NAF1: variants seen among roughly 807,000 people sequenced by gnomAD.
NAF1 encodes the protein H/ACA ribonucleoprotein complex non-core subunit NAF1.
Under a neutral mutation model 40.6 loss-of-function variants are expected in NAF1, and 11 were observed. The observed-to-expected ratio is 0.27, with a 90% confidence interval of 0.17 to 0.45. The LOEUF (loss-of-function observed/expected upper bound fraction) is 0.45, where lower values mean the gene tolerates loss of function less well. Among genes scored for constraint, NAF1 ranks in the 20% least tolerant of loss-of-function variants. The probability of loss-of-function intolerance (pLI) is 1.00; values close to 1 mark genes in which losing one functional copy is unlikely to be tolerated. For missense variants in NAF1, 607 were observed against 611.1 expected (o/e 0.99, Z 0.07); for synonymous variants, 260 against 228.5 (o/e 1.14, Z -1.24).
chr4:163,153,059 C>T (rs1360496862), intron 2 of NAF1, among the ~76,000 whole-genome samples: 2 of 152,220 alleles, frequency 1.3e-5, no homozygotes, highest in Non-Finnish European at 2.9e-5. Context: ...CTCGATTTCT[C>T]GCCGAGCCTT....
intron 7 of NAF1, among the ~76,000 whole-genome samples, chr4:163,131,973 A>G (rs886658902): frequency 6.6e-6 from 1 of 152,254 alleles, no homozygotes; most frequent in Non-Finnish European, 1.5e-5. Context: ...GTTCAATGCC[A>G]TTAGCCATTA....
chr4:163,110,401 T>TA, intron 2 of NAF1: 1 of 629,294 alleles, frequency 1.6e-6, no homozygotes, highest in African/African-American at 1.8e-5. Flanking sequence ...TAGTTGTTGT[T>TA]AATCTCTTAC....
intron 2 of NAF1, among the ~76,000 whole-genome samples, chr4:163,153,317 A>G (rs1731814192): frequency 6.6e-6 from 1 of 152,188 alleles, no homozygotes; most frequent in African/African-American, 2.4e-5. Flanking sequence ...TGGGCTCCTG[A>G]GTCTGGTGGG....
In NAF1 at chr4:163,117,680, TACACAC is replaced by T. The variant is rs55869899; in HGVS notation, c.115-7396_115-7391del. On this transcript the variant is annotated intron_variant, in intron 2 of 2. Coordinates refer to the NAF1 transcript ENST00000509434. ...TTATTTTTAAACTCCCTGGAAGCAATACACACACACACACACACACACACACACACA... is the reference window on the plus strand; with the variant it reads ...TTATTTTTAAACTCCCTGGAAGCAATACACACACACACACACACACACACA... Among the ~76,000 whole-genome samples the T allele has an allele frequency of 8.0e-3, 1,085 of 134,918 alleles. 9 individuals carry two copies. The highest frequency in any genetic ancestry group is 0.024 in the African/African-American group (822 of 34,732). The allele number at this position is 134,918 out of a possible 152,430, so 88.5% of individuals were successfully genotyped here. A position where few individuals can be genotyped will look rare whatever the true frequency, so the allele number is the denominator to read the frequency against.
At chr4:163,137,067 C>CG in intron 6 of NAF1, 132 bp downstream of exon 6, 1 of 950,480 alleles carries the variant, frequency 1.1e-6, no homozygotes. Context: ...AGAATACATG[C>CG]GCTAGGACAG....
At chr4:163,130,002 A>G (rs1478331175) in intron 7 of NAF1, among the ~76,000 whole-genome samples, 1 of 152,186 alleles carries the variant, frequency 6.6e-6, no homozygotes, top group Non-Finnish European at 1.5e-5. Context: ...TCCAGCAGTA[A>G]CAAGGCACCC....
intron 4 of NAF1, chr4:163,143,897 C>T (rs1055858092): frequency 1.6e-5 from 6 of 374,094 alleles, no homozygotes; most frequent in African/African-American, 8.8e-5. Flanking sequence ...AAAATACAGA[C>T]GAATAGAGTA....
Position 163,164,343 on chromosome 4 carries a change from G to C in NAF1, c.414C>G (p.Ser138=). The change falls in exon 2 of 8, where the codon TCC becomes TCG. Residue 138 remains serine (S), a synonymous_variant. Coordinates refer to ENST00000274054, the MANE Select transcript of NAF1 (RefSeq NM_138386.3). ...TACAAGAGGAAGAAGACGACGATGA[G>C]GAAGATGAAGAGGAAGACGATGAAC... The part of the protein sequence containing the change: ...SSSSSSSSSS[S]SSSSSSSCIS... 1 of 1,597,000 alleles carries C rather than the reference G, an allele frequency of 6.3e-7. No homozygotes were observed. The highest frequency in any genetic ancestry group is 2.3e-5 in the East Asian group (1 of 44,252).
chr4:163,142,724 A>C (rs1021732189), intron 4 of NAF1, among the ~76,000 whole-genome samples: 1 of 152,256 alleles, frequency 6.6e-6, no homozygotes, highest in Non-Finnish European at 1.5e-5. Flanking sequence ...CCAAGTTCAC[A>C]TAAGCAATTT....
intron 2 of NAF1, among the ~76,000 whole-genome samples, chr4:163,163,829 G>A (rs928709027): frequency 2.6e-5 from 4 of 151,818 alleles, no homozygotes; most frequent in Admixed American, 6.6e-5. Flanking sequence ...ATTTTCTGAC[G>A]TGCAGACCAA....
At chr4:163,119,753 G>T (rs949732538) in intron 2 of NAF1, 1 of 152,116 alleles carries the variant, frequency 6.6e-6, no homozygotes, top group Non-Finnish European at 1.5e-5. Flanking sequence ...TATTAGATCG[G>T]ACTAATAAAA....
intron 3 of NAF1, among the ~76,000 whole-genome samples, chr4:163,146,223 G>A (rs1731463364): frequency 6.6e-6 from 1 of 152,118 alleles, no homozygotes; most frequent in Non-Finnish European, 1.5e-5. Flanking sequence ...AACTGTTTTA[G>A]AAGAAATTAG....
intron 4 of NAF1, chr4:163,144,156 C>G (rs1185728892): frequency 3.8e-6 from 1 of 265,046 alleles, no homozygotes; most frequent in African/African-American, 2.3e-5. Context: ...ACTAGTTCAT[C>G]AAGGGAACTA....
chr4:163,111,036 A>C (rs1730145950), intron 2 of NAF1, among the ~76,000 whole-genome samples: 1 of 152,176 alleles, frequency 6.6e-6, no homozygotes, highest in African/African-American at 2.4e-5. Context: ...TTCCTCAGAA[A>C]ACTCCTTACT....
In NAF1 at chr4:163,166,457, C is replaced by A; in HGVS notation, c.271G>T (p.Ala91Ser). The A allele has an allele frequency of 6.2e-7, 1 of 1,605,294 alleles. No individual in the cohort carries two copies. Among genetic ancestry groups the A allele is most frequent in the Non-Finnish European group, 8.5e-7 (1 of 1,175,946 alleles). The change falls in exon 1 of 8, where the codon GCC becomes TCC. Residue 91 changes from alanine to serine, a missense_variant. By Grantham distance (99) the Ala-to-Ser change is moderately conservative (BLOSUM62 1). Around this residue, in one of 3 missense-constraint regions of NAF1, gnomAD observed 407 missense variants for 365.5 expected, o/e 1.11. Transcript: ENST00000274054. Reference protein sequence around the residue: ...PQPQPPAESPACGDCVTSPGA... With the variant: ...PQPQPPAESPSCGDCVTSPGA... ...GGGGAGGTGACGCAGTCTCCGCAGG[C>A]CGGCGATTCAGCCGGTGGCTGTGGC... is the stretch of plus-strand genomic sequence containing the variant.
At chr4:163,140,455 T>TA in intron 4 of NAF1, 72 bp from the exon 5 acceptor site, 2 of 1,335,966 alleles carry the variant, frequency 1.5e-6, no homozygotes, top group Non-Finnish European at 2.1e-6. Context: ...TGTTTTCTTT[T>TA]AAAAATCCCA....
intron 3 of NAF1, among the ~76,000 whole-genome samples, chr4:163,146,557 T>G (rs193055920): frequency 9.1e-4 from 138 of 152,336 alleles, no homozygotes; most frequent in African/African-American, 3.1e-3. Flanking sequence ...CACTGTTACA[T>G]TACATAGATA....
At chr4:163,164,100 T>A (rs1176556373) in intron 2 of NAF1, 117 bp downstream of exon 2, 5 of 1,287,072 alleles carry the variant, frequency 3.9e-6, no homozygotes, top group Non-Finnish European at 4.0e-6. Context: ...AGCATGCCTA[T>A]TAGGCTGAGA....
In NAF1 at chr4:163,133,270, G is replaced by A. The variant is rs1362776559; in HGVS notation, c.931-14C>T. ...AAAATCTAAGGCCTTGCAGAGAAAAGTATATAATAGGTTTATGTTACATGA... is the reference window on the plus strand; with the variant it reads ...AAAATCTAAGGCCTTGCAGAGAAAAATATATAATAGGTTTATGTTACATGA... On this transcript the variant is annotated splice_polypyrimidine_tract_variant and intron_variant, in intron 6 of 7. Coordinates refer to ENST00000274054, the MANE Select transcript of NAF1 (RefSeq NM_138386.3). 6.3e-7 allele frequency: 1 copy of A among 1,595,358 alleles called. No individual in the cohort carries two copies. The highest frequency in any genetic ancestry group is 1.1e-5 in the South Asian group (1 of 90,566).
Sources: gnomAD v4.1 joint callset for allele counts (sites outside exome capture counted in the v4.1 genomes callset) on GRCh38, gnomAD v4.1.1 for gene constraint, gnomAD v4.1.1 regional missense constraint, MANE v1.5 for transcripts, NCBI Gene and HGNC (gene_info 2026-07-23, HGNC 2026-07-21) for gene names.